LRP11: variants seen among roughly 807,000 people sequenced by gnomAD.
LRP11 encodes LDL receptor related protein 11.
A neutral mutation model predicts 43.1 loss-of-function variants in LRP11; 25 were observed. The ratio of observed to expected loss-of-function variants is 0.58; its 90% CI spans 0.42 to 0.81. The LOEUF is 0.81. Ranked by LOEUF, LRP11 falls within the 30% of genes least tolerant of loss-of-function variation. The pLI is 0.00. For synonymous variants in LRP11, 316 were observed against 299.4 expected, an observed-to-expected ratio of 1.06 and a Z score of -0.57; for missense variants, 623 against 665.1, an observed-to-expected ratio of 0.94 and a Z score of 0.70.
intron 6 of LRP11, among the ~76,000 whole-genome samples, chr6:149,821,006 C>T (rs1776271995): frequency 6.7e-6 from 1 of 149,232 alleles, no homozygotes; most frequent in Non-Finnish European, 1.5e-5. Flanking sequence ...TCTCGGCTCA[C>T]TGCAACCTCT....
At position 149,863,755 on chromosome 6, in the gene LRP11, C is replaced by T; in HGVS notation, c.266G>A (p.Cys89Tyr). The T allele has an allele frequency of 6.8e-7, 1 of 1,477,948 alleles. No individual in the cohort carries two copies. The highest frequency in any genetic ancestry group is 8.9e-7 in the Non-Finnish European group (1 of 1,121,010). 91.6% of individuals were successfully genotyped at this position (1,477,948 alleles called of 1,614,324 possible). ...LRAGGGPQED[C>Y]PGPGSGGYSA... ...GTAGCCGCCGCTGCCCGGGCCCGGG[C>T]AGTCCTCCTGGGGGCCGCCGCCCGC... Residue 89 changes from cysteine to tyrosine, a missense_variant, in exon 1 of 7, where the codon TGC becomes TAC. Transcript: ENST00000239367.
At position 149,863,941 on chromosome 6, in the gene LRP11, A is replaced by C; in HGVS notation, c.80T>G (p.Leu27Arg). The C allele has an allele frequency of 6.9e-7, 1 of 1,455,978 alleles. No homozygotes were observed. Among genetic ancestry groups the C allele is most frequent in the Non-Finnish European group, 9.0e-7 (1 of 1,111,184 alleles). 90.2% of individuals were successfully genotyped at this position (1,455,978 alleles called of 1,614,324 possible). ...PRHGALRGLLLLCLWLPSGRA... is the reference protein window; with the variant it reads ...PRHGALRGLLRLCLWLPSGRA... Reference sequence around the variant, plus strand: ...GCCGCTTGGCAGCCACAGGCAGAGCAGTAGCAGCCCGCGCAGCGCCCCGTG... The same window carrying C: ...GCCGCTTGGCAGCCACAGGCAGAGCCGTAGCAGCCCGCGCAGCGCCCCGTG... The change falls in exon 1 of 7, where the codon CTG (leucine) becomes CGG (arginine). Residue 27 changes from leucine (L) to arginine (R), a missense_variant. Coordinates refer to ENST00000239367, the MANE Select transcript of LRP11 (RefSeq NM_032832.6).
intron 2 of LRP11, 57 bp from the exon 3 acceptor site, chr6:149,843,181 C>T: frequency 6.2e-7 from 1 of 1,605,174 alleles, no homozygotes; most frequent in Non-Finnish European, 8.5e-7. Flanking sequence ...CCGAGCCCAA[C>T]ACCATCCTCA....
intron 3 of LRP11, among the ~76,000 whole-genome samples, chr6:149,838,367 G>A (rs1387932266): frequency 1.3e-5 from 2 of 151,850 alleles, no homozygotes; most frequent in East Asian, 3.9e-4. Context: ...TTTAGTTATG[G>A]GCTGGCATGA....
At position 149,843,066 on chromosome 6, in the gene LRP11, T is replaced by C; in HGVS notation, c.830A>G (p.Gln277Arg). Residue 277 changes from glutamine to arginine, a missense_variant, in exon 3 of 7, where the codon CAG becomes CGG. Transcript: ENST00000239367. Reference sequence around the variant, plus strand: ...CCCGGCAGTGTCCGTCACGGTCAGCTGGAAGGTGTAGGTTCCCTCCTGTAG... The same window carrying C: ...CCCGGCAGTGTCCGTCACGGTCAGCCGGAAGGTGTAGGTTCCCTCCTGTAG... ...SHLQEGTYTF[Q>R]LTVTDTAGQR... 1.2e-6 allele frequency: 2 copies of C among 1,614,210 alleles called. No homozygotes were observed. The highest frequency in any genetic ancestry group is 1.3e-5 in the African/African-American group (1 of 75,062).
At chr6:149,848,072 C>G (rs552339259) in intron 2 of LRP11, among the ~76,000 whole-genome samples, 114 of 152,250 alleles carry the variant, frequency 7.5e-4, no homozygotes, top group Non-Finnish European at 1.3e-4. Context: ...GCTGAGTGCC[C>G]TCCCAAGGTC....
chr6:149,861,595 C>G (rs1776896681), intron 1 of LRP11, among the ~76,000 whole-genome samples: 1 of 152,202 alleles, frequency 6.6e-6, no homozygotes, highest in Non-Finnish European at 1.5e-5. Flanking sequence ...CTCACTGCGA[C>G]CTCCACCACC....
At chr6:149,836,374 C>T (rs1776471935) in intron 4 of LRP11, 77 bp from the exon 5 acceptor site, 3 of 1,260,554 alleles carry the variant, frequency 2.4e-6, no homozygotes, top group African/African-American at 3.0e-5. Context: ...ACATCTGCAG[C>T]TGATTTAAAA....
In LRP11 at chr6:149,827,829, C is replaced by T. The variant is rs113802394; in HGVS notation, c.1253-1470G>A. On this transcript the variant is annotated intron_variant, in intron 5 of 6. Transcript: ENST00000239367. This position sits in a 1 kb window ranked among gnomAD's most constrained non-coding sequence, Gnocchi z 4.2. ...AAGGGCCGCACGCAGTGGCTCATGCCTGGCCAACATGGCAAAACCCTGTCT... is the reference window on the plus strand; with the variant it reads ...AAGGGCCGCACGCAGTGGCTCATGCTTGGCCAACATGGCAAAACCCTGTCT... 0.015 allele frequency among the ~76,000 whole-genome samples: 2,350 copies of T among 152,246 alleles called. 71 individuals are homozygous for T. Among genetic ancestry groups the T allele is most frequent in the African/African-American group, 0.053 (2,215 of 41,526 alleles).
chr6:149,852,795 C>T (rs1310163616), intron 2 of LRP11, among the ~76,000 whole-genome samples: 5 of 151,614 alleles, frequency 3.3e-5, no homozygotes, highest in African/African-American at 1.2e-4. Flanking sequence ...AGGGTAGGCT[C>T]CAAGACAAAT....
Position 149,861,868 on chromosome 6 carries a change from C to T in LRP11, c.613+1540G>A, listed in dbSNP as rs554609137. On this transcript the variant is annotated intron_variant, in intron 1 of 6. Coordinates refer to ENST00000239367, the MANE Select transcript of LRP11 (RefSeq NM_032832.6). ...ATTTTTGTTCTATGGCATATTCTTTCCTTGTTTATTTTCCTTTTCAAAGGT... is the reference window on the plus strand; with the variant it reads ...ATTTTTGTTCTATGGCATATTCTTTTCTTGTTTATTTTCCTTTTCAAAGGT... Among the ~76,000 whole-genome samples the T allele has an allele frequency of 2.0e-5, 3 of 152,250 alleles. No homozygotes were observed. In the East Asian group the frequency reaches 5.8e-4, roughly 29 times the overall value.
In LRP11 at chr6:149,827,895, G is replaced by C. The variant is rs977808379; in HGVS notation, c.1253-1536C>G. Among the ~76,000 whole-genome samples the C allele has an allele frequency of 6.6e-6, 1 of 152,130 alleles. No homozygotes were observed. The highest frequency in any genetic ancestry group is 1.9e-4 in the East Asian group (1 of 5,184). ...AAAAAATTAGCCAGGCATGGTGGGC[G>C]CCTGTAGTCCCAGCTGCTGGGGAGG... On this transcript the variant is annotated intron_variant, in intron 5 of 6. Transcript: ENST00000239367. The surrounding 1 kb of genome is among the most constrained non-coding windows in gnomAD (Gnocchi z 4.2).
intron 1 of LRP11, among the ~76,000 whole-genome samples, chr6:149,858,040 CTTCTTT>C (rs1041743557): frequency 1.3e-5 from 2 of 151,996 alleles, no homozygotes; most frequent in African/African-American, 4.8e-5. Context: ...AGATCAGATA[CTTCTTT>C]TTAATTATTT....
intron 4 of LRP11, 40 bp downstream of exon 4, chr6:149,837,298 C>T (rs748259713): frequency 1.9e-6 from 3 of 1,601,774 alleles, no homozygotes; most frequent in Admixed American, 3.4e-5. Context: ...AACTCCATCC[C>T]TTCCAGCCAC....
At chr6:149,834,244 A>G (rs952614006) in intron 5 of LRP11, among the ~76,000 whole-genome samples, 58 of 152,240 alleles carry the variant, frequency 3.8e-4, no homozygotes, top group African/African-American at 1.4e-3. Context: ...GCTGGGACCA[A>G]TGAGTGACAC....
chr6:149,819,256 G>C lies in LRP11; in HGVS notation c.*1293C>G, dbSNP rs983713156. ...TTTAGGTTCAGTCTAAAAATAAAGC[G>C]TACTAGATTCTGGAGTGTTTTTCAA... On this transcript the variant is annotated 3_prime_UTR_variant, in exon 7 of 7. Transcript: ENST00000239367. 6.6e-6 allele frequency: 1 copy of C among 151,998 alleles called. No homozygotes were observed. The highest frequency in any genetic ancestry group is 1.5e-5 in the Non-Finnish European group (1 of 68,018). 9.4% of individuals were successfully genotyped at this position (151,998 alleles called of 1,614,324 possible). A position where few individuals can be genotyped will look rare whatever the true frequency, so the allele number is the denominator to read the frequency against.
At chr6:149,862,219 G>T (rs1396731864) in intron 1 of LRP11, among the ~76,000 whole-genome samples, 5 of 152,226 alleles carry the variant, frequency 3.3e-5, no homozygotes, top group African/African-American at 1.2e-4. Flanking sequence ...TAGAGGTGGG[G>T]AGGGAGGCAG....
At chr6:149,836,791 G>T (rs1489816476) in intron 4 of LRP11, among the ~76,000 whole-genome samples, 2 of 151,558 alleles carry the variant, frequency 1.3e-5, no homozygotes, top group Non-Finnish European at 2.9e-5. Context: ...CTCCAGCCTG[G>T]GTGACAGAGT....
chr6:149,861,334 G>A (rs903811595), intron 1 of LRP11, among the ~76,000 whole-genome samples: 1 of 152,090 alleles, frequency 6.6e-6, no homozygotes, highest in African/African-American at 2.4e-5. Flanking sequence ...CATGTTGCTG[G>A]GACCTCAGGA....
Sources: allele counts gnomAD v4.1 joint callset (sites outside exome capture counted in the v4.1 genomes callset), GRCh38; gene constraint gnomAD v4.1.1; non-coding constraint Gnocchi (gnomAD v3.1); transcripts MANE v1.5; gene names NCBI Gene and HGNC (gene_info 2026-07-23, HGNC 2026-07-21).